The following SLC1A1 variants were observed in gnomAD, a reference collection of about 807,000 sequenced individuals.
SLC1A1 encodes solute carrier family 1 member 1.
SLC1A1 carries 43 observed loss-of-function variants against 53.3 expected under a neutral mutation model. That is an observed-to-expected ratio of 0.81 (90% CI 0.63 to 1.04). The LOEUF is 1.04. Among genes scored for constraint, SLC1A1 ranks in the 50% least tolerant of loss-of-function variants. The pLI is 0.00. For missense variants in SLC1A1, 748 were observed against 664.9 expected (o/e 1.12, Z -1.37); for synonymous variants, 307 against 243.2 (o/e 1.26, Z -2.44).
intron 10 of SLC1A1, among the ~76,000 whole-genome samples, chr9:4,581,526 T>C (rs1341205127): frequency 6.6e-6 from 1 of 152,244 alleles, no homozygotes; most frequent in African/African-American, 2.4e-5. Flanking sequence ...CCTCAGGCTA[T>C]AGAGACATGG....
At chr9:4,529,968 T>C (rs1032820633) in intron 1 of SLC1A1, among the ~76,000 whole-genome samples, 2 of 152,192 alleles carry the variant, frequency 1.3e-5, no homozygotes, top group Admixed American at 6.5e-5. Flanking sequence ...AGTTGGACAA[T>C]GAAGAAAATA....
At chr9:4,544,253 A>T (rs1442151652) in intron 1 of SLC1A1, among the ~76,000 whole-genome samples, 1 of 152,174 alleles carries the variant, frequency 6.6e-6, no homozygotes, top group African/African-American at 2.4e-5. Flanking sequence ...GTTATACTGG[A>T]TTGACTAAGA....
intron 2 of SLC1A1, among the ~76,000 whole-genome samples, chr9:4,545,219 C>CTCTCTCTCTCTCTCTCTCTCTCTCTCT (rs751195644): frequency 6.7e-6 from 1 of 149,840 alleles, no homozygotes; most frequent in African/African-American, 2.5e-5. Flanking sequence ...CTCTCTCTCT[C>CTCTCTCTCTCTCTCTCTCTCTCTCTCT]CACCTCTCTC....
rs907801979 is a variant in SLC1A1, at chr9:4,501,984, ATC to A, written c.91+11218_91+11219del. Reference sequence around the variant, plus strand: ...AAATGCCTAAACTACAGAGAGCCTAATCTCTGAGCCTCTCCCCATTACTGGAA... The same window carrying A: ...AAATGCCTAAACTACAGAGAGCCTAATCTGAGCCTCTCCCCATTACTGGAA... On this transcript the variant is annotated intron_variant, in intron 1 of 11. Transcript: ENST00000262352. Among the ~76,000 whole-genome samples the A allele has an allele frequency of 9.9e-5, 15 of 151,706 alleles. 1 individual carries two copies. Among genetic ancestry groups the A allele is most frequent in the African/African-American group, 3.7e-4 (15 of 41,002 alleles).
chr9:4,542,775 A>G (rs1817129941), intron 1 of SLC1A1, among the ~76,000 whole-genome samples: 1 of 152,326 alleles, frequency 6.6e-6, no homozygotes, highest in Non-Finnish European at 1.5e-5. Flanking sequence ...TTTATTTAAA[A>G]TACTTTGAAT....
intron 1 of SLC1A1, among the ~76,000 whole-genome samples, chr9:4,538,288 G>A (rs766635995): frequency 1.8e-4 from 28 of 152,204 alleles, no homozygotes; most frequent in Admixed American, 1.8e-3. Flanking sequence ...CAGAAAAGGC[G>A]TGACAACTTG....
At chr9:4,542,306 A>T (rs1817087915) in intron 1 of SLC1A1, among the ~76,000 whole-genome samples, 1 of 152,190 alleles carries the variant, frequency 6.6e-6, no homozygotes, top group African/African-American at 2.4e-5. Context: ...CTTGGGGTAC[A>T]TGTCACCTTT....
chr9:4,506,381 A>T (rs1242174482), intron 1 of SLC1A1, among the ~76,000 whole-genome samples: 1 of 152,246 alleles, frequency 6.6e-6, no homozygotes, highest in Non-Finnish European at 1.5e-5. Flanking sequence ...GACTTTTGTT[A>T]TTAAGTGGAA....
At position 4,571,827 on chromosome 9, in the gene SLC1A1, CATT is replaced by C. The variant is rs200006834; in HGVS notation, c.583-372_583-370del. Among the ~76,000 whole-genome samples, 1,300 of 152,208 alleles carry C rather than the reference CATT, an allele frequency of 8.5e-3. 17 individuals are homozygous for C. Among genetic ancestry groups the C allele is most frequent in the African/African-American group, 0.03 (1,257 of 41,528 alleles). Reference sequence around the variant, plus strand: ...ACTGGTAAGTATTCTGTACTTCCTGCATTATTAATTCCTGTGTTTTTTTAAGCA... The same window carrying C: ...ACTGGTAAGTATTCTGTACTTCCTGCATTAATTCCTGTGTTTTTTTAAGCA... On this transcript the variant is annotated intron_variant, in intron 6 of 11. Transcript: ENST00000262352.
At chr9:4,555,868 A>T (rs1564032771) in intron 2 of SLC1A1, among the ~76,000 whole-genome samples, 1 of 152,238 alleles carries the variant, frequency 6.6e-6, no homozygotes, top group African/African-American at 2.4e-5. Context: ...TTTAAACTGG[A>T]TGGAGCAAAT....
chr9:4,524,876 T>C (rs1816205203), intron 1 of SLC1A1, among the ~76,000 whole-genome samples: 1 of 151,892 alleles, frequency 6.6e-6, no homozygotes, highest in Non-Finnish European at 1.5e-5. Flanking sequence ...CCTGCCAGAG[T>C]GAGAACTCGC....
intron 1 of SLC1A1, among the ~76,000 whole-genome samples, chr9:4,509,573 C>A (rs1420023857): frequency 1.3e-5 from 2 of 150,598 alleles, no homozygotes; most frequent in African/African-American, 2.4e-5. Context: ...AAAAAAAAAA[C>A]CCAACCTCTG....
chr9:4,545,187 A>C (rs1297018885), intron 2 of SLC1A1, among the ~76,000 whole-genome samples: 1 of 48,996 alleles, frequency 2.0e-5, no homozygotes, highest in African/African-American at 6.3e-5. Context: ...AATACATTAG[A>C]TGTCTCTCTC....
rs1183227302 is a variant in SLC1A1 at position 4,585,661 on chromosome 9, T to C, written c.*103T>C. On this transcript the variant is annotated 3_prime_UTR_variant, in exon 12 of 12. Transcript: ENST00000262352. The stretch of plus-strand genomic sequence containing the variant: ...AGAAACACTAATGGCCAAGTGTACA[T>C]TTGATTTGATATACAGACCTCCAGA... 2 of 1,382,326 alleles carry C rather than the reference T, an allele frequency of 1.4e-6. No homozygotes were observed. Among genetic ancestry groups the C allele is most frequent in the Non-Finnish European group, 2.0e-6 (2 of 976,402 alleles). The allele number at this position is 1,382,326 out of a possible 1,614,324, so 85.6% of individuals were successfully genotyped here.
At position 4,554,312 on chromosome 9, in the gene SLC1A1, T is replaced by G. The variant is rs138284373; in HGVS notation, c.233-7137T>G. The G allele has an allele frequency of 2.6e-5, 4 of 152,322 alleles. No individual in the cohort carries two copies. In the East Asian group the frequency reaches 7.7e-4, roughly 29 times the overall value. The allele number at this position is 152,322 out of a possible 1,614,324, so 9.4% of individuals were successfully genotyped here. On this transcript the variant is annotated intron_variant, in intron 2 of 11. Transcript: ENST00000262352. ...TCAATCAGCATGTTTACTGAGCATC[T>G]CCTATGTGCTGGGCACTGAGTATAC...
At chr9:4,493,106 C>A (rs1563989053) in intron 1 of SLC1A1, among the ~76,000 whole-genome samples, 1 of 152,196 alleles carries the variant, frequency 6.6e-6, no homozygotes, top group Admixed American at 6.5e-5. Flanking sequence ...CTGTGAGCCC[C>A]AAGAGCTTAG....
At chr9:4,540,104 C>T (rs1299929179) in intron 1 of SLC1A1, among the ~76,000 whole-genome samples, 1 of 152,118 alleles carries the variant, frequency 6.6e-6, no homozygotes, top group Non-Finnish European at 1.5e-5. Context: ...CAGTCTCCAA[C>T]AGCAGAGAAA....
chr9:4,497,804 T>C (rs1408733669), intron 1 of SLC1A1, among the ~76,000 whole-genome samples: 2 of 152,176 alleles, frequency 1.3e-5, no homozygotes, highest in Non-Finnish European at 2.9e-5. Flanking sequence ...CTCTTAACTG[T>C]TTTTTTAATT....
At chr9:4,516,540 C>T (rs1345646521) in intron 1 of SLC1A1, among the ~76,000 whole-genome samples, 5 of 152,146 alleles carry the variant, frequency 3.3e-5, no homozygotes, top group African/African-American at 4.8e-5. Context: ...CTTCTCTTGC[C>T]TTCAATCTAT....
Sources: allele counts gnomAD v4.1 joint callset (sites outside exome capture counted in the v4.1 genomes callset), GRCh38; gene constraint gnomAD v4.1.1; transcripts MANE v1.5; gene names NCBI Gene and HGNC (gene_info 2026-07-23, HGNC 2026-07-21).